The following BAHCC1 variants were observed in gnomAD, a reference collection of about 807,000 sequenced individuals.
The protein encoded by BAHCC1 is BAH and coiled-coil domain-containing protein 1.
A neutral mutation model predicts 88.2 loss-of-function variants in BAHCC1; 43 were observed. That is an observed-to-expected ratio of 0.49 (90% CI 0.38 to 0.63). BAHCC1 has a LOEUF of 0.63. Ranked by LOEUF, BAHCC1 falls within the 20% of genes least tolerant of loss-of-function variation. The pLI is 0.00. For synonymous variants in BAHCC1, 1,510 were observed against 745.5 expected (o/e 2.03, Z -16.71); for missense variants, 3,023 against 1,654.8 (o/e 1.83, Z -14.34).
chr17:81,445,457 C>T lies in BAHCC1; in HGVS notation c.2939C>T (p.Ala980Val), dbSNP rs782279789. The T allele has an allele frequency of 2.6e-6, 2 of 761,702 alleles. No individual in the cohort carries two copies. Among genetic ancestry groups the T allele is most frequent in the South Asian group, 1.4e-5 (1 of 71,588 alleles). 47.2% of individuals were successfully genotyped at this position (761,702 alleles called of 1,614,324 possible). A position where few individuals can be genotyped will look rare whatever the true frequency, so the allele number is the denominator to read the frequency against. The change falls in exon 10 of 28, where the codon GCC becomes GTC. Residue 980 changes from alanine to valine, a missense_variant. Transcript: ENST00000675386. Reference protein sequence around the residue: ...PVALTPTAPGAPSPAAGPTKL... With the variant: ...PVALTPTAPGVPSPAAGPTKL... ...GCCTTAACCCCCACGGCCCCGGGCGCCCCCTCACCCGCTGCAGGCCCCACC... is the reference window on the plus strand; with the variant it reads ...GCCTTAACCCCCACGGCCCCGGGCGTCCCCTCACCCGCTGCAGGCCCCACC...
chr17:81,457,398 CCT>C lies in BAHCC1; in HGVS notation c.4859-6_4859-5del. 2.6e-6 allele frequency: 2 copies of C among 762,244 alleles called. No homozygotes were observed. The highest frequency in any genetic ancestry group is 2.8e-5 in the South Asian group (2 of 71,694). 47.2% of individuals were successfully genotyped at this position (762,244 alleles called of 1,614,324 possible). A position where few individuals can be genotyped will look rare whatever the true frequency, so the allele number is the denominator to read the frequency against. ...CCATCAAGTCATCAGGACCCCTCTGCCTCTCTCCCAGGCAGTGGCTATGACAG... is the reference window on the plus strand; with the variant it reads ...CCATCAAGTCATCAGGACCCCTCTGCCTCTCCCAGGCAGTGGCTATGACAG... On this transcript the variant is annotated splice_polypyrimidine_tract_variant and intron_variant, in intron 16 of 27. Coordinates refer to ENST00000675386, the MANE Select transcript of BAHCC1 (RefSeq NM_001377448.1).
intron 2 of BAHCC1, among the ~76,000 whole-genome samples, chr17:81,406,220 A>G (rs1186375475): frequency 6.6e-6 from 1 of 152,166 alleles, no homozygotes; most frequent in African/African-American, 2.4e-5. Context: ...GGAGGGTCCG[A>G]AACCCTTGGC....
chr17:81,457,331 GCC>G, intron 16 of BAHCC1, 77 bp from the exon 17 acceptor site: 1 of 690,556 alleles, frequency 1.4e-6, no homozygotes, highest in Non-Finnish European at 2.7e-6. Context: ...ATAACCGCAT[GCC>G]CAGAGGGTCA....
At chr17:81,428,426 C>T (rs937184045) in intron 3 of BAHCC1, among the ~76,000 whole-genome samples, 1 of 152,206 alleles carries the variant, frequency 6.6e-6, no homozygotes, top group Non-Finnish European at 1.5e-5. Context: ...ACGCAACGGC[C>T]GCTGCCTGGT....
chr17:81,457,095 T>A (rs2064763473), intron 16 of BAHCC1, among the ~76,000 whole-genome samples: 1 of 151,864 alleles, frequency 6.6e-6, no homozygotes, highest in African/African-American at 2.4e-5. Flanking sequence ...CAGAGGGCCA[T>A]CTGGGCGGAG....
intron 4 of BAHCC1, among the ~76,000 whole-genome samples, 184 bp from the exon 5 acceptor site, chr17:81,441,647 G>A (rs1196190096): frequency 6.9e-6 from 1 of 143,926 alleles, no homozygotes; most frequent in African/African-American, 2.6e-5. Context: ...GGGCGACAGA[G>A]GGCAGAGCGA....
At chr17:81,440,253 G>C (rs2064393099) in intron 4 of BAHCC1, among the ~76,000 whole-genome samples, 1 of 152,212 alleles carries the variant, frequency 6.6e-6, no homozygotes, top group Non-Finnish European at 1.5e-5. Context: ...CAGGTGGCGG[G>C]TCCCAACCCC....
In BAHCC1 at chr17:81,459,327, C is replaced by T. The variant is rs371269783; in HGVS notation, c.5795C>T (p.Ala1932Val). 17 of 778,176 alleles carry T rather than the reference C, an allele frequency of 2.2e-5. No individual in the cohort carries two copies. Among genetic ancestry groups the T allele is most frequent in the Middle Eastern group, 2.2e-4 (1 of 4,454 alleles). 48.2% of individuals were successfully genotyped at this position (778,176 alleles called of 1,614,324 possible). ...IYSLEQLLQE[A>V]VLDVRPQSSR... Reference sequence around the variant, plus strand: ...TCACTGGAGCAGCTGCTGCAGGAAGCGGTGAGGACCGGGCCGGCCCGCCCC... The same window carrying T: ...TCACTGGAGCAGCTGCTGCAGGAAGTGGTGAGGACCGGGCCGGCCCGCCCC... Residue 1932 changes from alanine to valine, a missense_variant and splice_region_variant, in exon 22 of 28, where the codon GCG becomes GTG. Ala to Val is a moderately conservative substitution (Grantham distance 64). Transcript: ENST00000675386.
chr17:81,461,209 G>C lies in BAHCC1; in HGVS notation c.6546G>C (p.Lys2182Asn). Reference protein sequence around the residue: ...TGPGLPRGAHKLLRAKKAERV... With the variant: ...TGPGLPRGAHNLLRAKKAERV... ...CGGGCCTCCCCAGGGGAGCCCACAA[G>C]CTGCTGCGGGCTAAGAAGGCCGAGA... Residue 2182 changes from lysine (K) to asparagine (N), a missense_variant, in exon 26 of 28, where the codon AAG becomes AAC. Coordinates refer to ENST00000675386, the MANE Select transcript of BAHCC1 (RefSeq NM_001377448.1). The C allele has an allele frequency of 1.4e-6, 1 of 726,128 alleles. No homozygotes were observed. 45.0% of individuals were successfully genotyped at this position (726,128 alleles called of 1,614,324 possible).
In BAHCC1 at chr17:81,443,352, A is replaced by G. The variant is rs781856822; in HGVS notation, c.2003A>G (p.Lys668Arg). The change falls in exon 5 of 28, where the codon AAG (lysine) becomes AGG (arginine). Residue 668 changes from lysine (K) to arginine (R), a missense_variant. Lys to Arg is a conservative substitution (Grantham distance 26). Coordinates refer to ENST00000675386, the MANE Select transcript of BAHCC1 (RefSeq NM_001377448.1). ...LKASCIQQEA[K>R]FLSSKGPGQS... is the part of the protein sequence containing the mutation. ...GCCAGCTGCATCCAGCAGGAAGCAA[A>G]GTTCCTGTCCTCTAAGGGCCCAGGC... 3.2e-5 allele frequency: 25 copies of G among 778,590 alleles called. No homozygotes were observed. Among genetic ancestry groups the G allele is most frequent in the Non-Finnish European group, 5.3e-5 (22 of 417,570 alleles). The allele number at this position is 778,590 out of a possible 1,614,324, so 48.2% of individuals were successfully genotyped here.
chr17:81,441,688 AAAGAG>A, intron 4 of BAHCC1, 138 bp from the exon 5 acceptor site: 3 of 431,422 alleles, frequency 7.0e-6, no homozygotes, highest in Middle Eastern at 6.4e-4. Context: ...AAAAAAAAAA[AAAGAG>A]CAAAAACCTT....
At chr17:81,402,397 C>T (rs564210515) in intron 2 of BAHCC1, 6 of 152,200 alleles carry the variant, frequency 3.9e-5, no homozygotes, top group Non-Finnish European at 5.9e-5. Context: ...CCCCAGATCA[C>T]TTTGCTTTGG....
chr17:81,463,041 G>A (rs550942077), intron 27 of BAHCC1, 65 bp downstream of exon 27: 3 of 728,246 alleles, frequency 4.1e-6, no homozygotes, highest in South Asian at 3.0e-5. Flanking sequence ...CACGACAGCA[G>A]CCAGCACTGT....
At chr17:81,437,616 G>T (rs554772096) in intron 3 of BAHCC1, among the ~76,000 whole-genome samples, 16 of 152,362 alleles carry the variant, frequency 1.1e-4, no homozygotes, top group African/African-American at 3.8e-4. Context: ...CCGCGTGGGT[G>T]GCTGGGTGTG....
At chr17:81,403,499 A>C (rs2063842164) in intron 2 of BAHCC1, among the ~76,000 whole-genome samples, 1 of 151,968 alleles carries the variant, frequency 6.6e-6, no homozygotes, top group Non-Finnish European at 1.5e-5. Flanking sequence ...AAAAAAGAAA[A>C]AGAAAATACC....
chr17:81,417,671 G>T (rs1315442286), intron 2 of BAHCC1, among the ~76,000 whole-genome samples: 1 of 150,818 alleles, frequency 6.6e-6, no homozygotes, highest in Non-Finnish European at 1.5e-5. Flanking sequence ...AGCCCATCCT[G>T]TCATCATCAC....
At chr17:81,418,801 G>GCGCGCA (rs1186241779) in intron 2 of BAHCC1, among the ~76,000 whole-genome samples, 3 of 62,118 alleles carry the variant, frequency 4.8e-5, no homozygotes, top group Admixed American at 2.4e-4. Context: ...GTGTGCGTGT[G>GCGCGCA]TGTGTGTACG....
chr17:81,426,087 TTGG>T (rs1161998994), intron 2 of BAHCC1, among the ~76,000 whole-genome samples: 4 of 140,764 alleles, frequency 2.8e-5, no homozygotes, highest in Admixed American at 7.1e-5. Flanking sequence ...GGTGATGTGG[TTGG>T]TGGTGATAGT....
In BAHCC1 at chr17:81,444,922, G is replaced by A. The variant is rs373608194; in HGVS notation, c.2672-93G>A. ...TGGCCAGGGCTCAGGAGGGAGCGGT[G>A]GGCTTGGTGGGCTGAGGAAAGGGTG... On this transcript the variant is annotated intron_variant, in intron 8 of 27. Transcript: ENST00000675386. 7.6e-5 allele frequency: 52 copies of A among 685,140 alleles called. No homozygotes were observed. The African/African-American group carries it at 7.7e-4, about 10-fold the overall frequency. 42.4% of individuals were successfully genotyped at this position (685,140 alleles called of 1,614,324 possible). A position where few individuals can be genotyped will look rare whatever the true frequency, so the allele number is the denominator to read the frequency against.
Sources: gnomAD v4.1 joint callset for allele counts (sites outside exome capture counted in the v4.1 genomes callset) on GRCh38, gnomAD v4.1.1 for gene constraint, MANE v1.5 for transcripts, NCBI Gene and HGNC (gene_info 2026-07-23, HGNC 2026-07-21) for gene names.